CTNNA2: variants seen among roughly 807,000 people sequenced by gnomAD.
The protein encoded by CTNNA2 is catenin alpha-2.
In CTNNA2, 42 loss-of-function variants were observed where a neutral mutation model predicts 101.0. The ratio of observed to expected loss-of-function variants is 0.42; its 90% CI spans 0.32 to 0.54. CTNNA2 has a LOEUF of 0.54. CTNNA2 is among the 20% of genes least tolerant of loss of function. The probability of loss-of-function intolerance (pLI) is 0.14; values close to 1 mark genes in which losing one functional copy is unlikely to be tolerated. For synonymous variants in CTNNA2, 450 were observed against 456.4 expected, an observed-to-expected ratio of 0.99 and a Z score of 0.18; for missense variants, 871 against 1,223.1, an observed-to-expected ratio of 0.71 and a Z score of 4.29.
At chr2:80,272,349 C>T (rs1298130365) in intron 7 of CTNNA2, among the ~76,000 whole-genome samples, 7 of 152,154 alleles carry the variant, frequency 4.6e-5, no homozygotes, top group Admixed American at 1.3e-4. Context: ...TTAGCCAAAC[C>T]GACTATACCA....
intron 2 of CTNNA2, among the ~76,000 whole-genome samples, chr2:79,288,210 G>T (rs1197925742): frequency 6.6e-6 from 1 of 152,216 alleles, no homozygotes; most frequent in Non-Finnish European, 1.5e-5. Context: ...CCCATCTTCT[G>T]CGTCACTCAC....
intron 7 of CTNNA2, among the ~76,000 whole-genome samples, chr2:80,348,183 C>G (rs1169731590): frequency 6.6e-6 from 1 of 152,104 alleles, no homozygotes; most frequent in Non-Finnish European, 1.5e-5. Context: ...TGTGTTTTAT[C>G]CACTCATATG....
At chr2:79,286,601 T>C (rs938494767) in intron 2 of CTNNA2, among the ~76,000 whole-genome samples, 10 of 152,186 alleles carry the variant, frequency 6.6e-5, no homozygotes, top group Non-Finnish European at 1.5e-4. Context: ...TTCTGGCTTG[T>C]AGAGTTTCTG....
intron 9 of CTNNA2, among the ~76,000 whole-genome samples, chr2:80,499,339 C>G (rs1049286751): frequency 6.6e-6 from 1 of 152,268 alleles, no homozygotes; most frequent in South Asian, 2.1e-4. Context: ...TGGATGTATG[C>G]TCAAGATTCT....
At chr2:80,358,928 C>A (rs756413451) in intron 7 of CTNNA2, among the ~76,000 whole-genome samples, 6 of 151,838 alleles carry the variant, frequency 4.0e-5, no homozygotes, top group Non-Finnish European at 7.4e-5. Context: ...AATATTACTT[C>A]ATTCTTTTTC....
At chr2:79,864,661 T>G (rs988102071) in intron 4 of CTNNA2, among the ~76,000 whole-genome samples, 3 of 152,184 alleles carry the variant, frequency 2.0e-5, no homozygotes, top group African/African-American at 7.2e-5. Flanking sequence ...ATTTTACAGA[T>G]ACTCAGGATA....
intron 7 of CTNNA2, among the ~76,000 whole-genome samples, chr2:80,056,066 T>C (rs1209271729): frequency 6.6e-6 from 1 of 152,182 alleles, no homozygotes; most frequent in Non-Finnish European, 1.5e-5. Context: ...TCTGGATGCA[T>C]GGGTCACAGC....
At chr2:80,571,652 T>A (rs1294885917) in intron 12 of CTNNA2, among the ~76,000 whole-genome samples, 1 of 152,196 alleles carries the variant, frequency 6.6e-6, no homozygotes, top group Admixed American at 6.5e-5. Flanking sequence ...TCACACGATA[T>A]TGTTTTTCCC....
chr2:80,122,922 C>T (rs1701920948), intron 7 of CTNNA2, among the ~76,000 whole-genome samples: 1 of 152,078 alleles, frequency 6.6e-6, no homozygotes, highest in Non-Finnish European at 1.5e-5. Flanking sequence ...TGGAACCTTC[C>T]CTCATCCAGG....
At chr2:79,850,423 C>T (rs1680610606) in intron 3 of CTNNA2, among the ~76,000 whole-genome samples, 1 of 144,432 alleles carries the variant, frequency 6.9e-6, no homozygotes, top group Non-Finnish European at 1.5e-5. Flanking sequence ...CTCTCCCTCC[C>T]TCTCTCCCTC....
chr2:79,996,546 C>T (rs1692557612), intron 7 of CTNNA2, among the ~76,000 whole-genome samples: 2 of 152,108 alleles, frequency 1.3e-5, no homozygotes, highest in South Asian at 4.1e-4. Flanking sequence ...TTTCAAATTG[C>T]TTGACCTTTA....
chr2:79,465,304 T>C (rs1379415422), intron 4 of CTNNA2, among the ~76,000 whole-genome samples: 1 of 152,162 alleles, frequency 6.6e-6, no homozygotes, highest in Non-Finnish European at 1.5e-5. Context: ...AGATGTGTCA[T>C]ATTATTTTTG....
intron 3 of CTNNA2, among the ~76,000 whole-genome samples, chr2:79,747,267 T>G (rs1671709642): frequency 6.6e-6 from 1 of 152,222 alleles, no homozygotes; most frequent in African/African-American, 2.4e-5. Context: ...ATTCGAAAAC[T>G]GATATTCCTT....
rs184125894 is a variant in CTNNA2, at chr2:80,210,776, T to C, written c.1057-182435T>C. 5.8e-4 allele frequency among the ~76,000 whole-genome samples: 88 copies of C among 152,304 alleles called. 1 individual carries two copies. Among genetic ancestry groups the C allele is most frequent in the African/African-American group, 1.8e-3 (73 of 41,566 alleles). ...AAATGGTATTTCTAGTTCTAGATCG[T>C]TGAGGAATCGCCACAGTGTCTTCCA... On this transcript the variant is annotated intron_variant, in intron 7 of 18. Transcript: ENST00000402739.
At chr2:80,436,442 G>C (rs566005370) in intron 9 of CTNNA2, among the ~76,000 whole-genome samples, 1 of 151,934 alleles carries the variant, frequency 6.6e-6, no homozygotes, top group African/African-American at 2.4e-5. Context: ...GAGATGCTCT[G>C]GGGGGTGGTG....
intron 3 of CTNNA2, among the ~76,000 whole-genome samples, chr2:79,761,812 G>A (rs772958140): frequency 2.0e-5 from 3 of 152,160 alleles, no homozygotes; most frequent in Non-Finnish European, 4.4e-5. Flanking sequence ...TAAATGTCAT[G>A]ATTAAAAATA....
chr2:79,368,214 G>A lies in CTNNA2; in HGVS notation c.-317-5617G>A, dbSNP rs79018907. The stretch of plus-strand genomic sequence containing the variant: ...GAGAAGCAGACTTTCTATATTTAAC[G>A]TAAGACTCCTTTTGACAAATCTTTC... On this transcript the variant is annotated intron_variant, in intron 3 of 21. Coordinates refer to the CTNNA2 transcript ENST00000466387. Among the ~76,000 whole-genome samples the A allele has an allele frequency of 5.5e-3, 841 of 152,290 alleles. 9 individuals are homozygous for A. The highest frequency in any genetic ancestry group is 0.019 in the African/African-American group (800 of 41,570).
intron 2 of CTNNA2, among the ~76,000 whole-genome samples, chr2:79,697,191 A>G (rs528933759): frequency 3.6e-4 from 55 of 152,138 alleles, no homozygotes; most frequent in African/African-American, 1.3e-3. Context: ...TAAAAATCCA[A>G]AATCACCAAA....
chr2:79,624,827 C>T (rs1679206977), intron 1 of CTNNA2, among the ~76,000 whole-genome samples: 1 of 151,990 alleles, frequency 6.6e-6, no homozygotes, highest in African/African-American at 2.4e-5. Flanking sequence ...GTGAGCAGAA[C>T]TGTGTGGGTA....
Sources: allele counts gnomAD v4.1 joint callset (sites outside exome capture counted in the v4.1 genomes callset), GRCh38; gene constraint gnomAD v4.1.1; transcripts MANE v1.5; gene names NCBI Gene and HGNC (gene_info 2026-07-23, HGNC 2026-07-21).